Variants in PDE4D observed in about 807,000 individuals in gnomAD.
PDE4D encodes 3',5'-cyclic-AMP phosphodiesterase 4D.
In PDE4D, 24 loss-of-function variants were observed where a neutral mutation model predicts 87.4. The observed-to-expected ratio is 0.27, with a 90% CI of 0.20 to 0.39. The LOEUF (loss-of-function observed/expected upper bound fraction) is 0.39, where lower values mean the gene tolerates loss of function less well. PDE4D is among the 10% of genes least tolerant of loss of function. The probability of loss-of-function intolerance (pLI) is 1.00; values close to 1 mark genes in which losing one functional copy is unlikely to be tolerated. For synonymous variants in PDE4D, 384 were observed against 383.2 expected, an observed-to-expected ratio of 1.00 and a Z score of -0.02; for missense variants, 714 against 1,041.0, an observed-to-expected ratio of 0.69 and a Z score of 4.32.
upstream of PDE4D, among the ~76,000 whole-genome samples, chr5:60,489,495 C>G (rs1383922980): frequency 6.6e-6 from 1 of 152,052 alleles, no homozygotes; most frequent in Non-Finnish European, 1.5e-5. Flanking sequence ...GATTTGACAC[C>G]AGAAAGAAAA....
At chr5:59,560,583 G>T (rs992019631) in intron 1 of PDE4D, among the ~76,000 whole-genome samples, 3 of 152,198 alleles carry the variant, frequency 2.0e-5, no homozygotes, top group African/African-American at 7.2e-5. Flanking sequence ...TAAGAATTAG[G>T]TTCAAGTTTT....
chr5:59,908,004 C>T (rs924468704), intron 3 of PDE4D, among the ~76,000 whole-genome samples: 3 of 151,968 alleles, frequency 2.0e-5, no homozygotes, highest in Non-Finnish European at 4.4e-5. Flanking sequence ...AACCAAACAT[C>T]CCTTTAAAAC....
intron 1 of PDE4D, among the ~76,000 whole-genome samples, chr5:59,539,049 A>G (rs1347683641): frequency 6.6e-6 from 1 of 152,170 alleles, no homozygotes; most frequent in Non-Finnish European, 1.5e-5. Flanking sequence ...ATAACATCCT[A>G]TATTCTGCCT....
chr5:59,788,998 C>T (rs911778650), intron 1 of PDE4D, among the ~76,000 whole-genome samples: 2 of 152,170 alleles, frequency 1.3e-5, no homozygotes, highest in Admixed American at 6.5e-5. Flanking sequence ...TTAACTTCAA[C>T]AGTACAATAC....
chr5:59,060,883 T>C (rs1452066381), intron 5 of PDE4D, among the ~76,000 whole-genome samples: 3 of 152,098 alleles, frequency 2.0e-5, no homozygotes, highest in Non-Finnish European at 4.4e-5. Context: ...CCTGCCCTAC[T>C]TGGAAATCAT....
chr5:59,076,770 A>C (rs944113207), intron 5 of PDE4D, among the ~76,000 whole-genome samples: 3 of 152,128 alleles, frequency 2.0e-5, no homozygotes, highest in Non-Finnish European at 4.4e-5. Flanking sequence ...GCCTGTCTCT[A>C]CCTGATCACT....
chr5:59,985,145 G>GTTT (rs572481656), intron 3 of PDE4D, among the ~76,000 whole-genome samples: 1 of 110,554 alleles, frequency 9.0e-6, no homozygotes, highest in Non-Finnish European at 1.9e-5. Context: ...TTTGTTTTTT[G>GTTT]TTTTTTATTT....
In PDE4D at chr5:60,399,730, C is replaced by T. The variant is rs535395133; in HGVS notation, c.-90+88212G>A. On this transcript the variant is annotated intron_variant, in intron 1 of 16. Coordinates refer to the PDE4D transcript ENST00000502484. The stretch of plus-strand genomic sequence containing the variant: ...AGGCCAACACCAGCAGTGGCCGTGC[C>T]GGCCCCATGCCCAGTGTTCAGCAGG... Among the ~76,000 whole-genome samples, 11 of 152,376 alleles carry T rather than the reference C, an allele frequency of 7.2e-5. No individual in the cohort carries two copies. In the East Asian group the frequency reaches 7.7e-4, roughly 11 times the overall value.
intron 1 of PDE4D, among the ~76,000 whole-genome samples, chr5:60,199,949 C>T (rs999337776): frequency 6.6e-6 from 1 of 151,586 alleles, no homozygotes; most frequent in African/African-American, 2.4e-5. Flanking sequence ...GGCAAGAGAA[C>T]AGAATTAGAG....
chr5:59,476,029 A>G (rs1185844105), intron 1 of PDE4D, among the ~76,000 whole-genome samples: 4 of 152,228 alleles, frequency 2.6e-5, no homozygotes, highest in Non-Finnish European at 4.4e-5. Flanking sequence ...TTCTTAAGGC[A>G]TGATTATGTT....
At chr5:59,012,894 T>A (rs62358490) in intron 6 of PDE4D, among the ~76,000 whole-genome samples, 15,772 of 152,186 alleles carry the variant, frequency 0.1, 1,293 homozygotes, top group East Asian at 0.48. Context: ...ACTGACCACA[T>A]AGTTGGAAGT....
intron 5 of PDE4D, among the ~76,000 whole-genome samples, chr5:59,161,113 CA>C (rs1255550344): frequency 2.0e-5 from 3 of 147,040 alleles, no homozygotes; most frequent in African/African-American, 5.0e-5. Flanking sequence ...CCCCCGCCAA[CA>C]AAAAAGTTTT....
At chr5:59,355,008 G>A (rs1041338402) in intron 1 of PDE4D, among the ~76,000 whole-genome samples, 3 of 152,138 alleles carry the variant, frequency 2.0e-5, no homozygotes, top group South Asian at 2.1e-4. Flanking sequence ...TCAAGCTTCC[G>A]AAGGAAACTG....
chr5:59,175,257 A>T (rs914588388), intron 5 of PDE4D, among the ~76,000 whole-genome samples: 1 of 152,160 alleles, frequency 6.6e-6, no homozygotes, highest in African/African-American at 2.4e-5. Context: ...TGATAAAAGG[A>T]TTACTAAAAA....
intron 1 of PDE4D, among the ~76,000 whole-genome samples, chr5:59,486,260 G>A (rs1003262208): frequency 6.6e-6 from 1 of 151,976 alleles, no homozygotes; most frequent in African/African-American, 2.4e-5. Flanking sequence ...TGATTCCTTG[G>A]CTCCACCCTC....
chr5:60,280,935 CA>C (rs958777113), intron 1 of PDE4D, among the ~76,000 whole-genome samples: 4 of 152,176 alleles, frequency 2.6e-5, no homozygotes, highest in African/African-American at 9.7e-5. Flanking sequence ...GTCAATATAG[CA>C]GAGGACATTA....
Position 59,421,544 on chromosome 5 carries a change from A to G in PDE4D, c.456-205576T>C, listed in dbSNP as rs1794479352. Among the ~76,000 whole-genome samples the G allele has an allele frequency of 3.3e-5, 5 of 152,168 alleles. No individual in the cohort carries two copies. In the South Asian group the frequency reaches 1.0e-3, roughly 31 times the overall value. On this transcript the variant is annotated intron_variant, in intron 1 of 14. Transcript: ENST00000340635. ...GACAGTGTTAAGATAAAGGAAGATGACTAAGGTGACTCCTGTGTTTCTAGT... is the reference window on the plus strand; with the variant it reads ...GACAGTGTTAAGATAAAGGAAGATGGCTAAGGTGACTCCTGTGTTTCTAGT...
rs531950935 is a variant in PDE4D, at chr5:60,318,903, T to C, written c.-89-133216A>G. ...TTGTGGGTAACCCGACCTTCCTCTC[T>C]GGCTGCCCTTAACATTTTTTCCTTC... On this transcript the variant is annotated intron_variant, in intron 1 of 16. Coordinates refer to the PDE4D transcript ENST00000502484. Among the ~76,000 whole-genome samples, 775 of 152,324 alleles carry C rather than the reference T, an allele frequency of 5.1e-3. 5 individuals are homozygous for C. Among genetic ancestry groups the C allele is most frequent in the Middle Eastern group, 6.8e-3 (2 of 294 alleles).
chr5:59,589,558 A>T (rs1259460831), intron 1 of PDE4D, among the ~76,000 whole-genome samples: 1 of 152,218 alleles, frequency 6.6e-6, no homozygotes, highest in East Asian at 1.9e-4. Context: ...AAGATTTTTT[A>T]AAAAGATGTA....
Sources: gnomAD v4.1 joint callset for allele counts (sites outside exome capture counted in the v4.1 genomes callset) on GRCh38, gnomAD v4.1.1 for gene constraint, MANE v1.5 for transcripts, NCBI Gene and HGNC (gene_info 2026-07-23, HGNC 2026-07-21) for gene names.